ZNF277: variants seen among roughly 807,000 people sequenced by gnomAD.
ZNF277 encodes the protein zinc finger protein 277.
A neutral mutation model predicts 60.7 loss-of-function variants in ZNF277; 55 were observed. That is an observed-to-expected ratio of 0.91 (90% CI 0.73 to 1.13). The LOEUF (loss-of-function observed/expected upper bound fraction) is 1.13, where lower values mean the gene tolerates loss of function less well. Ranked by LOEUF, ZNF277 falls within the 50% of genes most tolerant of loss-of-function variation. ZNF277 has a pLI of 0.00. For synonymous variants in ZNF277, 178 were observed against 179.3 expected (o/e 0.99, Z 0.06); for missense variants, 510 against 523.0 (o/e 0.98, Z 0.24).
At chr7:112,237,615 T>G (rs937935667) in intron 1 of ZNF277, among the ~76,000 whole-genome samples, 1 of 152,072 alleles carries the variant, frequency 6.6e-6, no homozygotes, top group Non-Finnish European at 1.5e-5. Context: ...ATGGATACAT[T>G]TCTAAAAACA....
At chr7:112,322,348 A>AT (rs1324879040) in intron 5 of ZNF277, among the ~76,000 whole-genome samples, 1 of 151,496 alleles carries the variant, frequency 6.6e-6, no homozygotes, top group African/African-American at 2.4e-5. Context: ...AGCTGTGTTT[A>AT]TTTTTTTGTT....
chr7:112,340,166 G>A (rs190135011), intron 10 of ZNF277, among the ~76,000 whole-genome samples: 2 of 152,288 alleles, frequency 1.3e-5, no homozygotes, highest in East Asian at 1.9e-4. Flanking sequence ...AATTGGAGGG[G>A]GCTAGTGGAA....
intron 1 of ZNF277, among the ~76,000 whole-genome samples, chr7:112,271,111 T>C (rs910404728): frequency 1.3e-5 from 2 of 152,134 alleles, no homozygotes; most frequent in East Asian, 1.9e-4. Flanking sequence ...TTGAAGCTAG[T>C]GCTAATCAGA....
intron 2 of ZNF277, among the ~76,000 whole-genome samples, chr7:112,291,404 T>G (rs1792203403): frequency 6.6e-6 from 1 of 152,198 alleles, no homozygotes; most frequent in Admixed American, 6.5e-5. Context: ...AGAAAAAAAG[T>G]ATTTGCTGAT....
At chr7:112,292,545 C>T (rs1436495904) in intron 2 of ZNF277, among the ~76,000 whole-genome samples, 1 of 152,192 alleles carries the variant, frequency 6.6e-6, no homozygotes, top group African/African-American at 2.4e-5. Flanking sequence ...CTTCAACTCT[C>T]TATTACAACT....
At chr7:112,307,863 A>C (rs372561666) in intron 4 of ZNF277, among the ~76,000 whole-genome samples, 11 of 151,934 alleles carry the variant, frequency 7.2e-5, no homozygotes, top group Admixed American at 7.2e-4. Flanking sequence ...AGATAAATAC[A>C]TACATACATA....
chr7:112,260,972 C>G (rs1791425606), intron 1 of ZNF277, among the ~76,000 whole-genome samples: 1 of 152,204 alleles, frequency 6.6e-6, no homozygotes, highest in African/African-American at 2.4e-5. Context: ...AAGCCAATCA[C>G]AGAAATGTGT....
chr7:112,337,716 CT>C lies in ZNF277; in HGVS notation c.870-8del. ...AGGGAATCTCCGTATTTTCTCTCCT[CT>C]TTTTTAATTCAGTGACTGGTCTGAT... On this transcript the variant is annotated splice_polypyrimidine_tract_variant and intron_variant, in intron 8 of 11. Coordinates refer to ENST00000361822, the MANE Select transcript of ZNF277 (RefSeq NM_021994.3). 1 of 1,608,076 alleles carries C rather than the reference CT, an allele frequency of 6.2e-7. No individual in the cohort carries two copies.
At chr7:112,213,895 A>G (rs1821816386) in intron 1 of ZNF277, among the ~76,000 whole-genome samples, 2 of 152,354 alleles carry the variant, frequency 1.3e-5, no homozygotes, top group South Asian at 2.1e-4. Flanking sequence ...AAAATGAGTA[A>G]TACTGTATCT....
intron 4 of ZNF277, among the ~76,000 whole-genome samples, chr7:112,316,611 G>A (rs1792849421): frequency 6.6e-6 from 1 of 152,048 alleles, no homozygotes; most frequent in African/African-American, 2.4e-5. Context: ...ATTGCTTTTG[G>A]TGTTTTAGTC....
chr7:112,328,240 A>G (rs968279092), intron 6 of ZNF277: 4 of 155,776 alleles, frequency 2.6e-5, no homozygotes, highest in African/African-American at 9.6e-5. Flanking sequence ...TACATATTCA[A>G]TAAGGTAAAT....
At chr7:112,294,213 A>T (rs914768515) in intron 2 of ZNF277, among the ~76,000 whole-genome samples, 4 of 152,172 alleles carry the variant, frequency 2.6e-5, no homozygotes, top group African/African-American at 9.7e-5. Flanking sequence ...TGGTGGGGAA[A>T]GCAACTAGTG....
At chr7:112,337,634 G>C in intron 8 of ZNF277, 96 bp from the exon 9 acceptor site, 1 of 1,027,944 alleles carries the variant, frequency 9.7e-7, no homozygotes, top group South Asian at 1.6e-5. Context: ...GATTGGCAGG[G>C]TTTTTTAGTA....
At chr7:112,287,317 G>A (rs924846836) in intron 2 of ZNF277, 2 of 503,308 alleles carry the variant, frequency 4.0e-6, no homozygotes, top group Non-Finnish European at 7.2e-6. Flanking sequence ...CGAGGCTGCA[G>A]TGAGTTATGG....
intron 1 of ZNF277, among the ~76,000 whole-genome samples, chr7:112,250,596 G>T (rs1377403315): frequency 2.0e-5 from 3 of 152,106 alleles, no homozygotes; most frequent in Admixed American, 2.0e-4. Context: ...TTTGTACTCT[G>T]TCCCTTTATT....
At chr7:112,232,703 G>A (rs776016248) in intron 1 of ZNF277, among the ~76,000 whole-genome samples, 1 of 152,186 alleles carries the variant, frequency 6.6e-6, no homozygotes, top group East Asian at 1.9e-4. Flanking sequence ...GTTTTTTGCA[G>A]TGTCTAAGTC....
At chr7:112,297,370 T>G (rs914421661) in intron 4 of ZNF277, among the ~76,000 whole-genome samples, 3 of 152,216 alleles carry the variant, frequency 2.0e-5, no homozygotes, top group Non-Finnish European at 2.9e-5. Context: ...TGATTTCTTG[T>G]AAGTCTTTCT....
At chr7:112,329,109 T>C (rs1288660825) in intron 6 of ZNF277, among the ~76,000 whole-genome samples, 1 of 152,178 alleles carries the variant, frequency 6.6e-6, no homozygotes, top group African/African-American at 2.4e-5. Context: ...TACAAAAGAA[T>C]ATTATTATGC....
chr7:112,288,951 T>TAAAAAAAAAAAAA (rs759044500), intron 2 of ZNF277: 1 of 70,388 alleles, frequency 1.4e-5, no homozygotes, highest in Non-Finnish European at 2.5e-5. Flanking sequence ...CTGCCTTTCT[T>TAAAAAAAAAAAAA]AAAAAAAAAA....
Sources: gnomAD v4.1 joint callset for allele counts (sites outside exome capture counted in the v4.1 genomes callset) on GRCh38, gnomAD v4.1.1 for gene constraint, MANE v1.5 for transcripts, NCBI Gene and HGNC (gene_info 2026-07-23, HGNC 2026-07-21) for gene names.